ADAMTS6: variants seen among roughly 807,000 people sequenced by gnomAD.
ADAMTS6 encodes A disintegrin and metalloproteinase with thrombospondin motifs 6.
ADAMTS6 carries 23 observed loss-of-function variants against 144.3 expected under a neutral mutation model. The observed-to-expected ratio is 0.16, with a 90% CI of 0.11 to 0.23. The LOEUF is 0.23. ADAMTS6 is among the 10% of genes least tolerant of loss of function. The pLI, the probability that ADAMTS6 is intolerant of heterozygous loss-of-function variation, is 1.00. For missense variants in ADAMTS6, 999 were observed against 1,379.6 expected (o/e 0.72, Z 4.37); for synonymous variants, 444 against 457.5 (o/e 0.97, Z 0.38).
chr5:65,436,803 G>A (rs866137438), intron 7 of ADAMTS6, among the ~76,000 whole-genome samples: 2 of 151,686 alleles, frequency 1.3e-5, no homozygotes, highest in Non-Finnish European at 2.9e-5. Context: ...GATTGCAGTG[G>A]GCCAACACAG....
chr5:65,471,043 T>C lies in ADAMTS6; in HGVS notation c.197A>G (p.His66Arg), dbSNP rs776123231. The C allele has an allele frequency of 2.9e-5, 46 of 1,611,786 alleles. No individual in the cohort carries two copies. Among genetic ancestry groups the C allele is most frequent in the Non-Finnish European group, 3.7e-5 (44 of 1,179,292 alleles). ...FLSFTVKNDK[H>R]SRRRRSMDPI... ...GTCCATACTCCGTCTTCTCCTTGAGTGTTTATCATTTTTCACAGTAAAGCT... is the reference window on the plus strand; with the variant it reads ...GTCCATACTCCGTCTTCTCCTTGAGCGTTTATCATTTTTCACAGTAAAGCT... The change falls in exon 3 of 25, where the codon CAC becomes CGC. Residue 66 changes from histidine to arginine, a missense_variant. Around this residue, in one of 3 missense-constraint regions of ADAMTS6, gnomAD observed 252 missense variants for 293.7 expected, o/e 0.86. Transcript: ENST00000381055.
chr5:65,339,223 G>A (rs1391541691), intron 7 of ADAMTS6, among the ~76,000 whole-genome samples: 1 of 152,152 alleles, frequency 6.6e-6, no homozygotes, highest in Non-Finnish European at 1.5e-5. Flanking sequence ...CAAGGTCACT[G>A]AGAAATTCAC....
chr5:65,161,536 T>C (rs1217578536), intron 24 of ADAMTS6, among the ~76,000 whole-genome samples: 1 of 152,248 alleles, frequency 6.6e-6, no homozygotes, highest in Non-Finnish European at 1.5e-5. Flanking sequence ...TCATTGGTCC[T>C]TCATTTGAGC....
intron 9 of ADAMTS6, among the ~76,000 whole-genome samples, chr5:65,302,222 T>G (rs1337825827): frequency 1.4e-5 from 2 of 144,690 alleles, no homozygotes; most frequent in East Asian, 1.9e-4. Flanking sequence ...TATTATATAC[T>G]TATACATATA....
At chr5:65,369,686 G>C (rs1750660178) in intron 7 of ADAMTS6, among the ~76,000 whole-genome samples, 1 of 151,994 alleles carries the variant, frequency 6.6e-6, no homozygotes, top group Non-Finnish European at 1.5e-5. Context: ...AAAATATTTT[G>C]ACATCTTATT....
At chr5:65,285,448 A>G (rs1173086066) in intron 11 of ADAMTS6, among the ~76,000 whole-genome samples, 2 of 152,084 alleles carry the variant, frequency 1.3e-5, no homozygotes, top group Admixed American at 1.3e-4. Flanking sequence ...ACTAGTCACT[A>G]CACAAATAGC....
At chr5:65,155,577 G>T (rs1752362676) in intron 24 of ADAMTS6, among the ~76,000 whole-genome samples, 1 of 152,096 alleles carries the variant, frequency 6.6e-6, no homozygotes, top group South Asian at 2.1e-4. Context: ...GTCTGTTGTT[G>T]ACCAAAACAT....
chr5:65,451,351 A>G, intron 7 of ADAMTS6, 124 bp downstream of exon 7: 1 of 1,052,024 alleles, frequency 9.5e-7, no homozygotes, highest in Non-Finnish European at 1.4e-6. Context: ...CAGTAGTGAA[A>G]AATAAATTAC....
intron 20 of ADAMTS6, chr5:65,210,471 G>GA (rs1756442756): frequency 6.4e-6 from 1 of 157,152 alleles, no homozygotes. Context: ...AAAAAAAAAA[G>GA]ATCTATGAAG....
intron 3 of ADAMTS6, among the ~76,000 whole-genome samples, chr5:65,463,445 C>T (rs1759773141): frequency 6.6e-6 from 1 of 152,080 alleles, no homozygotes; most frequent in Non-Finnish European, 1.5e-5. Flanking sequence ...GTCTGAAAAC[C>T]AGATGATGGA....
At chr5:65,216,215 A>C (rs1202759448) in intron 18 of ADAMTS6, among the ~76,000 whole-genome samples, 2 of 152,212 alleles carry the variant, frequency 1.3e-5, no homozygotes, top group African/African-American at 4.8e-5. Flanking sequence ...ATAAATAAAC[A>C]AATTGTGGTA....
intron 7 of ADAMTS6, among the ~76,000 whole-genome samples, chr5:65,432,920 G>GTGAA (rs1757104801): frequency 6.6e-6 from 1 of 152,026 alleles, no homozygotes; most frequent in South Asian, 2.1e-4. Context: ...TACATATGGG[G>GTGAA]TGAATGAATG....
intron 16 of ADAMTS6, among the ~76,000 whole-genome samples, chr5:65,225,856 C>T (rs1757683888): frequency 6.6e-6 from 1 of 152,072 alleles, no homozygotes; most frequent in Non-Finnish European, 1.5e-5. Context: ...ATACTTCTGG[C>T]AATCACTGTA....
At chr5:65,282,544 G>T (rs1423269100) in intron 11 of ADAMTS6, among the ~76,000 whole-genome samples, 2 of 152,084 alleles carry the variant, frequency 1.3e-5, no homozygotes, top group Non-Finnish European at 2.9e-5. Context: ...AGCAGAATGT[G>T]TCTTCTCCCT....
At chr5:65,357,528 TA>T (rs1027204392) in intron 7 of ADAMTS6, among the ~76,000 whole-genome samples, 3 of 150,704 alleles carry the variant, frequency 2.0e-5, no homozygotes, top group African/African-American at 7.3e-5. Flanking sequence ...AAATAGAGAC[TA>T]AAAAAACAAT....
At chr5:65,391,594 AT>A (rs1393843658) in intron 7 of ADAMTS6, among the ~76,000 whole-genome samples, 1 of 151,936 alleles carries the variant, frequency 6.6e-6, no homozygotes, top group African/African-American at 2.4e-5. Context: ...CCATATTCCA[AT>A]TTTGTCTGTC....
chr5:65,360,653 T>C (rs1479130330), intron 7 of ADAMTS6, among the ~76,000 whole-genome samples: 2 of 152,132 alleles, frequency 1.3e-5, no homozygotes, highest in Non-Finnish European at 2.9e-5. Context: ...AAATTGTAGA[T>C]TGAAGGCAAT....
chr5:65,174,282 C>T (rs1753819954), intron 22 of ADAMTS6, among the ~76,000 whole-genome samples: 1 of 152,160 alleles, frequency 6.6e-6, no homozygotes, highest in South Asian at 2.1e-4. Context: ...GTGGCTTGTT[C>T]TGCTACATTT....
At chr5:65,441,920 G>A (rs1278548607) in intron 7 of ADAMTS6, among the ~76,000 whole-genome samples, 2 of 151,584 alleles carry the variant, frequency 1.3e-5, no homozygotes, top group East Asian at 3.9e-4. Flanking sequence ...CCAAATTTGT[G>A]AGATGCGATA....
Sources: allele counts gnomAD v4.1 joint callset (sites outside exome capture counted in the v4.1 genomes callset), GRCh38; gene constraint gnomAD v4.1.1; regional missense constraint gnomAD v4.1.1; transcripts MANE v1.5; gene names NCBI Gene and HGNC (gene_info 2026-07-23, HGNC 2026-07-21).